The following TEP1 variants were observed in gnomAD, a reference collection of about 807,000 sequenced individuals.
TEP1 encodes the protein telomerase protein component 1.
A neutral mutation model predicts 306.3 loss-of-function variants in TEP1; 241 were observed. The observed-to-expected ratio is 0.79, with a 90% confidence interval of 0.71 to 0.88. The LOEUF (loss-of-function observed/expected upper bound fraction) is 0.88, where lower values mean the gene tolerates loss of function less well. Among genes scored for constraint, TEP1 ranks in the 40% least tolerant of loss-of-function variants. TEP1 has a pLI of 0.00. For synonymous variants in TEP1, 1,289 were observed against 1,305.5 expected, an observed-to-expected ratio of 0.99 and a Z score of 0.27; for missense variants, 3,051 against 3,276.1, an observed-to-expected ratio of 0.93 and a Z score of 1.68.
chr14:20,401,700 T>C (rs1878772123), intron 7 of TEP1, 119 bp from the exon 8 acceptor site: 2 of 1,453,210 alleles, frequency 1.4e-6, no homozygotes, highest in South Asian at 2.7e-5. Context: ...TTCTTCAAAA[T>C]AGATTTGGCC....
At position 20,391,024 on chromosome 14, in the gene TEP1, A is replaced by G; in HGVS notation, c.2170T>C (p.Cys724Arg). 1.9e-6 allele frequency: 3 copies of G among 1,614,124 alleles called. No individual in the cohort carries two copies. Among genetic ancestry groups the G allele is most frequent in the East Asian group, 2.2e-5 (1 of 44,882 alleles). The change falls in exon 14 of 55, where the codon TGT becomes CGT. Residue 724 changes from cysteine (C) to arginine (R), a missense_variant. By Grantham distance (180) the Cys-to-Arg change is radical. This residue lies in a region of TEP1 where 1,507 missense variants were observed against 1,550.5 expected (regional missense o/e 0.97). Coordinates refer to ENST00000262715, the MANE Select transcript of TEP1 (RefSeq NM_007110.5). ...TRAEQVDVVLCGGDTLKTAVL... is the reference protein window; with the variant it reads ...TRAEQVDVVLRGGDTLKTAVL... ...GCAGTCTTCAGAGTGTCACCTCCAC[A>G]CAGCACGACGTCCACCTGCTCCGCC...
chr14:20,387,551 C>CAAAAAAAAAAAAAAAAAAAAAAAAAA (rs34816712), intron 18 of TEP1, among the ~76,000 whole-genome samples: 11 of 127,710 alleles, frequency 8.6e-5, no homozygotes, highest in South Asian at 2.8e-4. Flanking sequence ...GACTCCGTCT[C>CAAAAAAAAAAAAAAAAAAAAAAAAAA]AAAAAAAAAA....
intron 44 of TEP1, 72 bp from the exon 45 acceptor site, chr14:20,373,882 AG>A: frequency 1.9e-6 from 3 of 1,558,996 alleles, no homozygotes; most frequent in Non-Finnish European, 2.6e-6. Context: ...TCCTCCACAG[AG>A]GTGGGTGGAG....
chr14:20,392,593 A>G (rs773963019), intron 12 of TEP1, among the ~76,000 whole-genome samples: 3 of 152,242 alleles, frequency 2.0e-5, no homozygotes, highest in Admixed American at 1.3e-4. Flanking sequence ...GCTCAATGCC[A>G]TAAGAACAAT....
Position 20,405,541 on chromosome 14 carries a change from T to C in TEP1, c.780A>G (p.Val260=). Residue 260 remains valine, a synonymous_variant, in exon 4 of 55, where the codon GTA becomes GTG. Coordinates refer to ENST00000262715, the MANE Select transcript of TEP1 (RefSeq NM_007110.5). ...SLLCSTLVSE[V]NMNNTSDPTL... is the part of the protein sequence containing the mutation. The stretch of plus-strand genomic sequence containing the variant: ...TGGGGTCAGATGTATTGTTCATGTT[T>C]ACTTCTGAGACCAGAGTAGAGCACA... 1 of 1,614,184 alleles carries C rather than the reference T, an allele frequency of 6.2e-7. No individual in the cohort carries two copies. The highest frequency in any genetic ancestry group is 8.5e-7 in the Non-Finnish European group (1 of 1,180,030).
chr14:20,413,021 T>C (rs1199263107), intron 1 of TEP1, among the ~76,000 whole-genome samples: 1 of 152,144 alleles, frequency 6.6e-6, no homozygotes, highest in Non-Finnish European at 1.5e-5. Context: ...TCTGGGTTTC[T>C]ATTATCACAA....
intron 1 of TEP1, among the ~76,000 whole-genome samples, chr14:20,412,923 T>C (rs991102570): frequency 1.3e-5 from 2 of 151,908 alleles, no homozygotes; most frequent in Non-Finnish European, 2.9e-5. Context: ...CCTCCCAAAG[T>C]GCTGGGATTA....
intron 1 of TEP1, among the ~76,000 whole-genome samples, chr14:20,411,341 G>A (rs552871065): frequency 2.4e-4 from 37 of 152,266 alleles, no homozygotes; most frequent in African/African-American, 7.7e-4. Context: ...ACGGGCCTGT[G>A]CACAGGCAGA....
In TEP1 at chr14:20,381,856, G is replaced by A. The variant is rs1876573553; in HGVS notation, c.4424+57C>T. ...TGTTGAAGCTATACAGAGGGCCCCG[G>A]CTCAAAGAAGGGAAGGCACAGAGAG... On this transcript the variant is annotated intron_variant, in intron 30 of 54. Transcript: ENST00000262715. This position sits in a 1 kb window ranked among gnomAD's most constrained non-coding sequence, Gnocchi z 4.0. 1.3e-6 allele frequency: 2 copies of A among 1,596,918 alleles called. No individual in the cohort carries two copies. The highest frequency in any genetic ancestry group is 1.7e-6 in the Non-Finnish European group (2 of 1,172,200).
intron 49 of TEP1, 116 bp downstream of exon 49, chr14:20,372,615 ACT>A (rs763703443): frequency 6.9e-7 from 1 of 1,454,738 alleles, no homozygotes; most frequent in Non-Finnish European, 9.5e-7. Context: ...ATAATGTCCC[ACT>A]CAGTAACTAA....
At chr14:20,385,190 C>T in intron 20 of TEP1, 81 bp from the exon 21 acceptor site, 1 of 1,556,862 alleles carries the variant, frequency 6.4e-7, no homozygotes, top group Non-Finnish European at 8.8e-7. Context: ...CCCAGGACTC[C>T]TGTATCTCTG....
rs1713443 is a variant in TEP1, at chr14:20,369,120, G to A, written c.7657-218C>T. Among the ~76,000 whole-genome samples the A allele has an allele frequency of 0.28, 42,757 of 151,380 alleles. 6,507 individuals are homozygous for A. The highest frequency in any genetic ancestry group is 0.39 in the African/African-American group (16,074 of 41,174). ...CCTCCCGGGTTCACACCATTCTCCTGCCTCAGACTCCCGAGTAGCTGGGAC... is the reference window on the plus strand; with the variant it reads ...CCTCCCGGGTTCACACCATTCTCCTACCTCAGACTCCCGAGTAGCTGGGAC... On this transcript the variant is annotated intron_variant, in intron 53 of 54. Coordinates refer to ENST00000262715, the MANE Select transcript of TEP1 (RefSeq NM_007110.5).
At chr14:20,380,743 A>G (rs1885483939) in intron 33 of TEP1, among the ~76,000 whole-genome samples, 188 bp downstream of exon 33, 1 of 152,238 alleles carries the variant, frequency 6.6e-6, no homozygotes, top group South Asian at 2.1e-4. Flanking sequence ...TCTCTGGTCC[A>G]AGAGATCAAG....
At position 20,373,276 on chromosome 14, in the gene TEP1, C is replaced by T; in HGVS notation, c.6808G>A (p.Glu2270Lys). The change falls in exon 47 of 55, where the codon GAA (glutamate) becomes AAA (lysine). Residue 2270 changes from glutamate (E) to lysine (K), a missense_variant. Physicochemically the swap from Glu to Lys is moderately conservative, Grantham distance 56. Coordinates refer to ENST00000262715, the MANE Select transcript of TEP1 (RefSeq NM_007110.5). ...GSVRLWQVPK[E>K]ADDTCIPRSS... Reference sequence around the variant, plus strand: ...CTCTCCAAGCCTCACTCACCTGCTTCCTTAGGAACCTGCCAGAGCCGTACA... The same window carrying T: ...CTCTCCAAGCCTCACTCACCTGCTTTCTTAGGAACCTGCCAGAGCCGTACA... The T allele has an allele frequency of 6.2e-7, 1 of 1,614,100 alleles. No individual in the cohort carries two copies. The highest frequency in any genetic ancestry group is 1.3e-5 in the African/African-American group (1 of 75,056).
At chr14:20,396,087 TAAG>T (rs971546697) in intron 10 of TEP1, 138 bp from the exon 11 acceptor site, 46 of 539,732 alleles carry the variant, frequency 8.5e-5, no homozygotes, top group Admixed American at 3.9e-4. Context: ...AAAGGGGTAA[TAAG>T]AAGAAAGAAA....
At chr14:20,398,106 G>A (rs1325682217) in intron 9 of TEP1, among the ~76,000 whole-genome samples, 1 of 151,812 alleles carries the variant, frequency 6.6e-6, no homozygotes, top group Non-Finnish European at 1.5e-5. Context: ...TAGGCCGGGT[G>A]CAGTGGCTCA....
Position 20,383,309 on chromosome 14 carries a change from C to T in TEP1, c.3912G>A (p.Gly1304=). The T allele has an allele frequency of 6.2e-7, 1 of 1,611,248 alleles. No homozygotes were observed. The highest frequency in any genetic ancestry group is 8.5e-7 in the Non-Finnish European group (1 of 1,178,668). Residue 1304 remains glycine (G), a synonymous_variant, in exon 27 of 55, where the codon GGG becomes GGA. Transcript: ENST00000262715. ...VLSVSSDAGL[G]ETLEQSQGAH... is the part of the protein sequence containing the mutation. ...CACCCTGGCTCTGCTCAAGGGTCTC[C>T]CCTAGGCCTGCATCACTAGACACAC...
intron 51 of TEP1, among the ~76,000 whole-genome samples, chr14:20,370,500 T>C (rs531483684): frequency 6.6e-6 from 1 of 152,354 alleles, no homozygotes; most frequent in South Asian, 2.1e-4. Context: ...CTACGAGGTA[T>C]GTCTGTATTA....
chr14:20,379,849 T>C (rs140490257), intron 35 of TEP1, 81 bp downstream of exon 35: 34 of 1,509,510 alleles, frequency 2.3e-5, no homozygotes, highest in Non-Finnish European at 3.0e-5. Flanking sequence ...TGATAACAGG[T>C]GTGTTTGGCT....
Sources: gnomAD v4.1 joint callset for allele counts (sites outside exome capture counted in the v4.1 genomes callset) on GRCh38, gnomAD v4.1.1 for gene constraint, gnomAD v4.1.1 regional missense constraint, Gnocchi (gnomAD v3.1) non-coding constraint, MANE v1.5 for transcripts, NCBI Gene and HGNC (gene_info 2026-07-23, HGNC 2026-07-21) for gene names.